Variants in SASH1 observed in about 807,000 individuals in gnomAD.
The protein encoded by SASH1 is SAM and SH3 domain-containing protein 1.
In SASH1, 44 loss-of-function variants were observed where a neutral mutation model predicts 125.2. The observed-to-expected ratio is 0.35, with a 90% CI of 0.28 to 0.45. SASH1 has a LOEUF of 0.45. Ranked by LOEUF, SASH1 falls within the 20% of genes least tolerant of loss-of-function variation. The pLI is 1.00. For missense variants in SASH1, 1,426 were observed against 1,614.5 expected, an observed-to-expected ratio of 0.88 and a Z score of 2.00; for synonymous variants, 639 against 649.1, an observed-to-expected ratio of 0.98 and a Z score of 0.24.
chr6:148,263,326 C>G, the SASH1 span, among the ~76,000 whole-genome samples: 2 of 152,252 alleles, frequency 1.3e-5, no homozygotes, highest in East Asian at 3.9e-4. Flanking sequence ...AACTCGTGTC[C>G]TGGGGAAGCA....
At position 148,446,533 on chromosome 6, in the gene SASH1, T is replaced by A. The variant is rs142376776; in HGVS notation, c.386+6126T>A. 2.2e-4 allele frequency among the ~76,000 whole-genome samples: 33 copies of A among 152,342 alleles called. No homozygotes were observed. In the East Asian group the frequency reaches 5.8e-3, roughly 27 times the overall value. On this transcript the variant is annotated intron_variant, in intron 4 of 19. Transcript: ENST00000367467. ...AAGGAATCTGAAAATTACCTAGATG[T>A]CTGACAAGCTGTGTGTCAAGATTCT...
intron 2 of SASH1, among the ~76,000 whole-genome samples, chr6:148,424,215 G>A (rs1334247970): frequency 1.3e-5 from 2 of 151,518 alleles, no homozygotes; most frequent in Non-Finnish European, 2.9e-5. Flanking sequence ...TTTTAGAGAC[G>A]GTGTCTTGTT....
At chr6:148,243,127 C>T in the SASH1 span, among the ~76,000 whole-genome samples, 6 of 151,864 alleles carry the variant, frequency 4.0e-5, no homozygotes, top group Non-Finnish European at 7.4e-5. Context: ...ACCAGCCTCA[C>T]CAACATGGCG....
At chr6:148,455,592 A>T (rs1777304207) in intron 4 of SASH1, among the ~76,000 whole-genome samples, 1 of 152,212 alleles carries the variant, frequency 6.6e-6, no homozygotes, top group South Asian at 2.1e-4. Context: ...TGGAGGGCGC[A>T]TGGAAGTGAC....
chr6:148,516,759 C>T (rs1383543727), intron 9 of SASH1, among the ~76,000 whole-genome samples: 3 of 152,034 alleles, frequency 2.0e-5, no homozygotes, highest in African/African-American at 7.2e-5. Flanking sequence ...GTAATTGACT[C>T]CTGGCCACTC....
intron 1 of SASH1, among the ~76,000 whole-genome samples, chr6:148,315,699 T>C (rs2128520049): frequency 6.6e-6 from 1 of 152,260 alleles, no homozygotes; most frequent in Non-Finnish European, 1.5e-5. Flanking sequence ...AGCCCAGGAA[T>C]TCGAGACCTG....
rs557049283 is a variant in SASH1 at position 148,482,982 on chromosome 6, C to T, written c.628-4632C>T. Among the ~76,000 whole-genome samples the T allele has an allele frequency of 1.1e-3, 167 of 152,230 alleles. 1 individual carries two copies. Among genetic ancestry groups the T allele is most frequent in the Non-Finnish European group, 1.2e-3 (80 of 68,010 alleles). ...GGGATTACAGGCGTGAGCCACCGTG[C>T]CTGGTTCAAACTTTTCTTAATTCAG... On this transcript the variant is annotated intron_variant, in intron 7 of 19. Transcript: ENST00000367467.
intron 5 of SASH1, 77 bp from the exon 6 acceptor site, chr6:148,471,340 G>A (rs544047378): frequency 8.5e-4 from 738 of 870,746 alleles, no homozygotes; most frequent in Non-Finnish European, 8.8e-4. Context: ...CAAGGAAGAG[G>A]CTACTTTTGT....
upstream of SASH1, among the ~76,000 whole-genome samples, chr6:148,339,466 A>C (rs6906902): frequency 1.8e-4 from 27 of 151,966 alleles, no homozygotes; most frequent in Non-Finnish European, 3.1e-4. Context: ...GTTGATTTCT[A>C]TAAGTGCCAA....
chr6:148,208,234 T>C, the SASH1 span, among the ~76,000 whole-genome samples: 1 of 152,344 alleles, frequency 6.6e-6, no homozygotes, highest in Middle Eastern at 3.4e-3. Context: ...TTAATGATTT[T>C]GGAAGAGGAA....
At chr6:148,384,400 G>A (rs966382316) in intron 1 of SASH1, among the ~76,000 whole-genome samples, 2 of 152,074 alleles carry the variant, frequency 1.3e-5, no homozygotes, top group Admixed American at 1.3e-4. Flanking sequence ...AAAAGAATCC[G>A]TTTCAGTGTT....
At chr6:148,446,758 T>G (rs983403523) in intron 4 of SASH1, among the ~76,000 whole-genome samples, 1 of 152,224 alleles carries the variant, frequency 6.6e-6, no homozygotes, top group African/African-American at 2.4e-5. Flanking sequence ...TTGACTCACT[T>G]AATACAAAAA....
chr6:148,200,855 C>G, the SASH1 span, among the ~76,000 whole-genome samples: 3 of 152,192 alleles, frequency 2.0e-5, no homozygotes, highest in African/African-American at 7.2e-5. Flanking sequence ...TCTTTCCTTT[C>G]ACTACTCCAC....
chr6:148,262,578 T>A, the SASH1 span, among the ~76,000 whole-genome samples: 1 of 151,956 alleles, frequency 6.6e-6, no homozygotes, highest in East Asian at 1.9e-4. Context: ...AGGGAGCAAG[T>A]TGAATAAGAA....
chr6:148,355,602 C>T (rs935478344), intron 1 of SASH1, among the ~76,000 whole-genome samples: 1 of 152,140 alleles, frequency 6.6e-6, no homozygotes, highest in African/African-American at 2.4e-5. Flanking sequence ...TTGTCATGCC[C>T]CTGAGTGGCT....
At chr6:148,504,553 CA>C (rs1190564549) in intron 8 of SASH1, among the ~76,000 whole-genome samples, 2 of 152,148 alleles carry the variant, frequency 1.3e-5, no homozygotes, top group African/African-American at 4.8e-5. Context: ...GTCTATCTCC[CA>C]ATCTGTCCCT....
Position 148,544,013 on chromosome 6 carries a change from G to T in SASH1, c.2543G>T (p.Gly848Val), listed in dbSNP as rs575577651. 61 of 1,614,110 alleles carry T rather than the reference G, an allele frequency of 3.8e-5. No homozygotes were observed. The African/African-American group carries it at 7.9e-4, about 21-fold the overall frequency. The part of the protein sequence containing the change: ...HSLDDLQVEP[G>V]AEQDVPTEVT... The stretch of plus-strand genomic sequence containing the variant: ...CTGGATGACCTTCAAGTGGAGCCTG[G>T]TGCTGAGCAAGACGTGCCTACCGAG... The change falls in exon 18 of 20, where the codon GGT becomes GTT. Residue 848 changes from glycine to valine, a missense_variant. Coordinates refer to ENST00000367467, the MANE Select transcript of SASH1 (RefSeq NM_015278.5). The surrounding 1 kb of genome is among the most constrained non-coding windows in gnomAD (Gnocchi z 6.4).
the SASH1 span, among the ~76,000 whole-genome samples, chr6:148,227,089 G>A: frequency 2.0e-5 from 3 of 152,172 alleles, no homozygotes; most frequent in Non-Finnish European, 2.9e-5. Flanking sequence ...GCTCTACGAA[G>A]TATGAATGTT....
At chr6:148,224,030 A>T in the SASH1 span, among the ~76,000 whole-genome samples, 2 of 152,230 alleles carry the variant, frequency 1.3e-5, no homozygotes, top group Non-Finnish European at 2.9e-5. Flanking sequence ...ACAGTGGCTT[A>T]TGCCTGTAAT....
Sources: gnomAD v4.1 joint callset for allele counts (sites outside exome capture counted in the v4.1 genomes callset) on GRCh38, gnomAD v4.1.1 for gene constraint, Gnocchi (gnomAD v3.1) non-coding constraint, MANE v1.5 for transcripts, NCBI Gene and HGNC (gene_info 2026-07-23, HGNC 2026-07-21) for gene names.